DIAPH2: variants seen among roughly 807,000 people sequenced by gnomAD.
DIAPH2 encodes diaphanous related formin 2, also known as protein diaphanous homolog 2.
In DIAPH2, 35 loss-of-function variants were observed where a neutral mutation model predicts 92.7. That is an observed-to-expected ratio of 0.38 (90% CI 0.29 to 0.50). The LOEUF is 0.50. Among genes scored for constraint, DIAPH2 ranks in the 20% least tolerant of loss-of-function variants. The pLI, the probability that DIAPH2 is intolerant of heterozygous loss-of-function variation, is 0.94. For missense variants in DIAPH2, 701 were observed against 819.5 expected (o/e 0.86, Z 1.77); for synonymous variants, 301 against 280.4 (o/e 1.07, Z -0.73).
At chrX:97,311,282 G>A (rs982172654) in intron 23 of DIAPH2, among the ~76,000 whole-genome samples, 1 of 111,735 alleles carries the variant, frequency 8.9e-6, no homozygotes, top group Admixed American at 9.5e-5. Context: ...GTGATGAAAA[G>A]TAGCCGAATA....
At chrX:97,080,282 C>T (rs934466700) in intron 19 of DIAPH2, among the ~76,000 whole-genome samples, 1 of 107,884 alleles carries the variant, frequency 9.3e-6, no homozygotes, top group African/African-American at 3.4e-5. Flanking sequence ...TCCCTCCCTT[C>T]TTTTCTTCCT....
At chrX:97,401,729 A>G (rs1001399061) in intron 25 of DIAPH2, among the ~76,000 whole-genome samples, 40 of 111,741 alleles carry the variant, frequency 3.6e-4, no homozygotes, top group African/African-American at 1.3e-3. Context: ...TCCCTAGGTG[A>G]TTCTGATGTA....
chrX:97,419,257 T>C (rs1439426040), intron 25 of DIAPH2, among the ~76,000 whole-genome samples: 1 of 111,532 alleles, frequency 9.0e-6, no homozygotes. Flanking sequence ...CAGTATATGC[T>C]CTAGAGCAGG....
At chrX:96,884,779 C>T in intron 5 of DIAPH2, 2 of 1,210,477 alleles carry the variant, frequency 1.7e-6, no homozygotes, top group Non-Finnish European at 2.2e-6. Flanking sequence ...GTTCACCGTG[C>T]ATATTCTGGA....
At chrX:96,932,640 A>AT in intron 10 of DIAPH2, among the ~76,000 whole-genome samples, 1 of 110,899 alleles carries the variant, frequency 9.0e-6, no homozygotes, top group Admixed American at 9.6e-5. Context: ...ATTAAAAATA[A>AT]TTTTTAATTA....
intron 17 of DIAPH2, among the ~76,000 whole-genome samples, chrX:96,970,103 G>A (rs2065918445): frequency 8.9e-6 from 1 of 111,925 alleles, no homozygotes; most frequent in Non-Finnish European, 1.9e-5. Context: ...CTGATGTTGT[G>A]CTTGATTTGG....
intron 26 of DIAPH2, among the ~76,000 whole-genome samples, chrX:97,460,199 G>A (rs1435409000): frequency 9.0e-6 from 1 of 111,467 alleles, no homozygotes; most frequent in Non-Finnish European, 1.9e-5. Flanking sequence ...GAAAAGGAGG[G>A]GCCAGGCTCC....
At chrX:96,913,374 C>T (rs1220006957) in intron 7 of DIAPH2, among the ~76,000 whole-genome samples, 1 of 111,296 alleles carries the variant, frequency 9.0e-6, no homozygotes, top group Non-Finnish European at 1.9e-5. Flanking sequence ...AAGAAATGAA[C>T]AAAATAGTGA....
At chrX:97,375,948 A>G (rs886620603) in intron 24 of DIAPH2, among the ~76,000 whole-genome samples, 1 of 111,615 alleles carries the variant, frequency 9.0e-6, no homozygotes, top group Admixed American at 9.6e-5. Context: ...TTCCGTAAAC[A>G]TTAAGGCAGA....
chrX:96,898,910 G>A (rs1183074122), intron 5 of DIAPH2, among the ~76,000 whole-genome samples: 2 of 107,121 alleles, frequency 1.9e-5, no homozygotes, highest in Admixed American at 2.0e-4. Context: ...TGTATAAGGT[G>A]TAAGGAAGGG....
intron 22 of DIAPH2, among the ~76,000 whole-genome samples, chrX:97,244,255 G>T (rs1171095125): frequency 9.0e-6 from 1 of 111,640 alleles, no homozygotes; most frequent in Non-Finnish European, 1.9e-5. Flanking sequence ...ATTTCCCTGG[G>T]TTAAAAATAT....
At chrX:96,994,424 A>G (rs1280894710) in intron 17 of DIAPH2, among the ~76,000 whole-genome samples, 1 of 111,787 alleles carries the variant, frequency 8.9e-6, no homozygotes, top group Non-Finnish European at 1.9e-5. Flanking sequence ...CATTTGAGAA[A>G]TAAGATAGTT....
intron 26 of DIAPH2, among the ~76,000 whole-genome samples, chrX:97,558,674 C>A (rs892014597): frequency 1.8e-5 from 2 of 111,640 alleles, no homozygotes; most frequent in African/African-American, 6.5e-5. Context: ...TCAAACATTT[C>A]TCTTTTTTTT....
intron 1 of DIAPH2, among the ~76,000 whole-genome samples, chrX:96,694,758 G>A (rs759829737): frequency 2.7e-5 from 3 of 111,700 alleles, no homozygotes; most frequent in Non-Finnish European, 5.6e-5. Flanking sequence ...CATTTCCTCT[G>A]ATAATATGCT....
rs931982039 is a variant in DIAPH2, at chrX:96,934,334, C to CT, written c.1090-2891dup. Among the ~76,000 whole-genome samples the CT allele has an allele frequency of 6.3e-5, 7 of 111,245 alleles. No homozygotes were observed. In the East Asian group the frequency reaches 2.0e-3, roughly 32 times the overall value. On this transcript the variant is annotated intron_variant, in intron 10 of 26. Coordinates refer to ENST00000324765, the MANE Select transcript of DIAPH2 (RefSeq NM_006729.5). ...ATCCTTACGTTTTCTTCTATTTATT[C>CT]TTTTTTTTATATCCAGTTCTAACAA...
In DIAPH2 at chrX:97,307,906, C is replaced by T. The variant is rs1214290107; in HGVS notation, c.2845-40210C>T. ...CTGGGCAACAAGAACAAGACTCTGTCTCAAAAAAAAAAAAAAAAAAGAAAA... is the reference window on the plus strand; with the variant it reads ...CTGGGCAACAAGAACAAGACTCTGTTTCAAAAAAAAAAAAAAAAAAGAAAA... On this transcript the variant is annotated intron_variant, in intron 23 of 26. Coordinates refer to ENST00000324765, the MANE Select transcript of DIAPH2 (RefSeq NM_006729.5). Among the ~76,000 whole-genome samples the T allele has an allele frequency of 1.8e-4, 11 of 61,478 alleles. No individual in the cohort carries two copies. In the South Asian group the frequency reaches 2.5e-3, roughly 14 times the overall value. 53.4% of individuals were successfully genotyped at this position (61,478 alleles called of 115,157 possible).
At chrX:96,793,191 C>T (rs1183982327) in intron 4 of DIAPH2, among the ~76,000 whole-genome samples, 1 of 112,160 alleles carries the variant, frequency 8.9e-6, no homozygotes, top group Non-Finnish European at 1.9e-5. Flanking sequence ...GACAGGGTCT[C>T]ACTCTGTCGC....
intron 26 of DIAPH2, among the ~76,000 whole-genome samples, chrX:97,434,656 C>T (rs1327573936): frequency 2.7e-5 from 3 of 110,376 alleles, no homozygotes; most frequent in East Asian, 2.8e-4. Flanking sequence ...ATGATCCGCC[C>T]GCCTTGGCCT....
At chrX:96,699,759 C>A in intron 1 of DIAPH2, among the ~76,000 whole-genome samples, 1 of 111,585 alleles carries the variant, frequency 9.0e-6, no homozygotes, top group Admixed American at 9.5e-5. Context: ...TGGTTTGTTT[C>A]ATTGATTCCC....
Sources: allele counts gnomAD v4.1 joint callset (sites outside exome capture counted in the v4.1 genomes callset), GRCh38; gene constraint gnomAD v4.1.1; transcripts MANE v1.5; gene names NCBI Gene and HGNC (gene_info 2026-07-23, HGNC 2026-07-21).